The following NEMP2 variants were observed in gnomAD, a reference collection of about 807,000 sequenced individuals.
NEMP2 encodes the protein nuclear envelope integral membrane protein 2.
In NEMP2, 53 loss-of-function variants were observed where a neutral mutation model predicts 54.2. The ratio of observed to expected loss-of-function variants is 0.98; its 90% CI spans 0.78 to 1.23. The LOEUF (loss-of-function observed/expected upper bound fraction) is 1.23, where lower values mean the gene tolerates loss of function less well. NEMP2 is among the 50% of genes most tolerant of loss of function. NEMP2 has a pLI of 0.00. For missense variants in NEMP2, 455 were observed against 511.3 expected, an observed-to-expected ratio of 0.89 and a Z score of 1.06; for synonymous variants, 197 against 190.3, an observed-to-expected ratio of 1.04 and a Z score of -0.29.
chr2:190,445,032 C>A, the NEMP2 span: 1 of 187,882 alleles, frequency 5.3e-6, no homozygotes, highest in Non-Finnish European at 9.9e-6. Context: ...AAGTCTTGCA[C>A]CCTTCAGAGT....
chr2:190,630,354 A>G, the NEMP2 span, among the ~76,000 whole-genome samples: 1 of 152,084 alleles, frequency 6.6e-6, no homozygotes, highest in East Asian at 1.9e-4. The surrounding 1 kb of genome is among the most constrained non-coding windows in gnomAD (Gnocchi z 5.5). Flanking sequence ...AGTAGCTGGG[A>G]TTACAGGCCA....
At chr2:190,560,093 T>A in the NEMP2 span, among the ~76,000 whole-genome samples, 10 of 152,212 alleles carry the variant, frequency 6.6e-5, no homozygotes, top group Non-Finnish European at 1.3e-4. This position sits in a 1 kb window ranked among gnomAD's most constrained non-coding sequence, Gnocchi z 5.4. Context: ...TTGTAAGTAC[T>A]GATGCAGAAG....
the NEMP2 span, among the ~76,000 whole-genome samples, chr2:190,487,171 T>C: frequency 1.3e-5 from 2 of 151,988 alleles, no homozygotes; most frequent in Non-Finnish European, 2.9e-5. This position sits in a 1 kb window ranked among gnomAD's most constrained non-coding sequence, Gnocchi z 5.5. Context: ...TGAAACCCTG[T>C]CTCTACTAAA....
intron 4 of NEMP2, 38 bp from the exon 5 acceptor site, chr2:190,517,651 A>G (rs1337357717): frequency 4.9e-6 from 7 of 1,438,104 alleles, no homozygotes; most frequent in Non-Finnish European, 5.7e-6. Context: ...TTAAATGCCA[A>G]AAAGCACTTT....
chr2:190,570,798 A>G, the NEMP2 span, among the ~76,000 whole-genome samples: 1 of 148,810 alleles, frequency 6.7e-6, no homozygotes, highest in African/African-American at 2.6e-5. This position sits in a 1 kb window ranked among gnomAD's most constrained non-coding sequence, Gnocchi z 5.4. Context: ...TTGAGAGAGA[A>G]GAGGGAAAAG....
At chr2:190,636,720 T>C in the NEMP2 span, among the ~76,000 whole-genome samples, 5 of 152,214 alleles carry the variant, frequency 3.3e-5, no homozygotes, top group Non-Finnish European at 5.9e-5. Context: ...ATTTTCATAT[T>C]TAAGAAAACT....
chr2:190,566,898 A>G, the NEMP2 span, among the ~76,000 whole-genome samples: 1 of 152,178 alleles, frequency 6.6e-6, no homozygotes, highest in Non-Finnish European at 1.5e-5. Flanking sequence ...AACACCGTCT[A>G]CCCACACAGA....
chr2:190,643,720 A>T, the NEMP2 span, among the ~76,000 whole-genome samples: 1 of 152,206 alleles, frequency 6.6e-6, no homozygotes, highest in African/African-American at 2.4e-5. Flanking sequence ...TCAGCCCAGG[A>T]GTTCGAGACC....
chr2:190,544,528 C>A, the NEMP2 span, among the ~76,000 whole-genome samples: 177 of 152,196 alleles, frequency 1.2e-3, no homozygotes, highest in Non-Finnish European at 2.0e-3. Flanking sequence ...TCTAAAGATT[C>A]TTATTCAGTA....
the NEMP2 span, among the ~76,000 whole-genome samples, chr2:190,474,190 G>A: frequency 6.6e-6 from 1 of 152,024 alleles, no homozygotes; most frequent in Non-Finnish European, 1.5e-5. Flanking sequence ...TCAAAAGCTA[G>A]CAGAAGGCAA....
At chr2:190,518,692 C>G in intron 4 of NEMP2, 44 bp downstream of exon 4, 1 of 1,398,030 alleles carries the variant, frequency 7.2e-7, no homozygotes, top group Non-Finnish European at 9.7e-7. Context: ...TGATCTAAAT[C>G]CCTTTTCATT....
At chr2:190,430,992 G>T in the NEMP2 span, among the ~76,000 whole-genome samples, 1 of 150,840 alleles carries the variant, frequency 6.6e-6, no homozygotes, top group Non-Finnish European at 1.5e-5. Context: ...CTCAGATGGG[G>T]CAGCTGGGCA....
At chr2:190,503,808 G>A (rs531637544), downstream of NEMP2, among the ~76,000 whole-genome samples, 1 of 152,278 alleles carries the variant, frequency 6.6e-6, no homozygotes, top group African/African-American at 2.4e-5. The surrounding 1 kb of genome is among the most constrained non-coding windows in gnomAD (Gnocchi z 6.3). Flanking sequence ...GAAAAGGGGT[G>A]AAAGGGGGAG....
At chr2:190,598,975 G>A in the NEMP2 span, among the ~76,000 whole-genome samples, 1 of 152,164 alleles carries the variant, frequency 6.6e-6, no homozygotes, top group Admixed American at 6.5e-5. Context: ...TTTGTTTTTA[G>A]TGGCTCTCTA....
At chr2:190,542,398 G>A in the NEMP2 span, among the ~76,000 whole-genome samples, 1 of 152,180 alleles carries the variant, frequency 6.6e-6, no homozygotes, top group African/African-American at 2.4e-5. The surrounding 1 kb of genome is among the most constrained non-coding windows in gnomAD (Gnocchi z 4.6). Flanking sequence ...TTTTGGTAGA[G>A]ACAAAATTTC....
the NEMP2 span, among the ~76,000 whole-genome samples, chr2:190,585,873 G>A: frequency 2.0e-5 from 3 of 152,068 alleles, no homozygotes; most frequent in South Asian, 2.1e-4. This position sits in a 1 kb window ranked among gnomAD's most constrained non-coding sequence, Gnocchi z 5.3. Context: ...ACAAAACAGG[G>A]GCCAGAGGAA....
the NEMP2 span, among the ~76,000 whole-genome samples, chr2:190,568,853 T>C: frequency 6.6e-6 from 1 of 151,548 alleles, no homozygotes; most frequent in South Asian, 2.1e-4. The surrounding 1 kb of genome is among the most constrained non-coding windows in gnomAD (Gnocchi z 4.7). Context: ...AACAAAAAAC[T>C]CAATAATTAT....
the NEMP2 span, among the ~76,000 whole-genome samples, chr2:190,467,081 ATTT>A: frequency 6.6e-6 from 1 of 152,216 alleles, no homozygotes; most frequent in Non-Finnish European, 1.5e-5. The surrounding 1 kb of genome is among the most constrained non-coding windows in gnomAD (Gnocchi z 5.5). Flanking sequence ...AGGATAGACA[ATTT>A]GTGAACACTA....
the NEMP2 span, among the ~76,000 whole-genome samples, chr2:190,598,326 TC>T: frequency 1.3e-5 from 2 of 152,248 alleles, no homozygotes; most frequent in Non-Finnish European, 2.9e-5. Context: ...ATATTTATTC[TC>T]CAAATTCTTC....
Sources: allele counts gnomAD v4.1 joint callset (sites outside exome capture counted in the v4.1 genomes callset), GRCh38; gene constraint gnomAD v4.1.1; non-coding constraint Gnocchi (gnomAD v3.1); transcripts MANE v1.5; gene names NCBI Gene and HGNC (gene_info 2026-07-23, HGNC 2026-07-21).